SLC2A5: variants seen among roughly 807,000 people sequenced by gnomAD.
SLC2A5 encodes the protein solute carrier family 2 member 5, also known as solute carrier family 2, facilitated glucose transporter member 5.
Under a neutral mutation model 50.3 loss-of-function variants are expected in SLC2A5, and 56 were observed. The ratio of observed to expected loss-of-function variants is 1.11; its 90% CI spans 0.90 to 1.39. SLC2A5 has a LOEUF of 1.39. Ranked by LOEUF, SLC2A5 falls within the 40% of genes most tolerant of loss-of-function variation. The pLI, the probability that SLC2A5 is intolerant of heterozygous loss-of-function variation, is 0.00. For synonymous variants in SLC2A5, 269 were observed against 281.9 expected, an observed-to-expected ratio of 0.95 and a Z score of 0.46; for missense variants, 566 against 650.1, an observed-to-expected ratio of 0.87 and a Z score of 1.41.
chr1:9,093,271 A>T (rs1475644696), upstream of SLC2A5, among the ~76,000 whole-genome samples: 1 of 152,094 alleles, frequency 6.6e-6, no homozygotes, highest in Non-Finnish European at 1.5e-5. Flanking sequence ...CACAGCAGCA[A>T]AACTCCAGGG....
intron 3 of SLC2A5, among the ~76,000 whole-genome samples, chr1:9,049,490 A>G (rs1442581390): frequency 6.6e-6 from 1 of 151,680 alleles, no homozygotes; most frequent in Non-Finnish European, 1.5e-5. Flanking sequence ...TTGAGAGGCC[A>G]AGGCGGGCGG....
intron 4 of SLC2A5, among the ~76,000 whole-genome samples, chr1:9,042,531 G>C (rs1171826990): frequency 7.4e-6 from 1 of 134,798 alleles, no homozygotes; most frequent in Non-Finnish European, 1.7e-5. Context: ...ACATGGCCTG[G>C]TGTGTGTGTG....
chr1:9,057,539 T>C lies in SLC2A5; in HGVS notation c.202A>G (p.Thr68Ala). 1.9e-6 allele frequency: 3 copies of C among 1,613,706 alleles called. No individual in the cohort carries two copies. Among genetic ancestry groups the C allele is most frequent in the Non-Finnish European group, 2.5e-6 (3 of 1,179,740 alleles). ...GACACGGTTACAGACCACAGCAACG[T>C]CAAGGGGAAGTCTTCCATGAATTCA... ...TGEFMEDFPL[T>A]LLWSVTVSMF... Residue 68 changes from threonine (T) to alanine (A), a missense_variant, in exon 3 of 12, where the codon ACG becomes GCG. Thr to Ala is a moderately conservative substitution (Grantham distance 58, BLOSUM62 0). Transcript: ENST00000377424.
At chr1:9,074,265 G>T (rs1041410852), upstream of SLC2A5, among the ~76,000 whole-genome samples, 12 of 152,118 alleles carry the variant, frequency 7.9e-5, no homozygotes, top group African/African-American at 2.9e-4. Flanking sequence ...AATCAATTTA[G>T]AAGTCTATTT....
chr1:9,094,195 C>CGGG, the SLC2A5 span, among the ~76,000 whole-genome samples: 1 of 152,210 alleles, frequency 6.6e-6, no homozygotes, highest in Non-Finnish European at 1.5e-5. Flanking sequence ...CTGAAGCGAA[C>CGGG]GGAGCATTCC....
rs70985580 is a variant in SLC2A5 at position 9,075,032 on chromosome 1, C to CA, written c.-58-5439dup. Among the ~76,000 whole-genome samples, 950 of 142,108 alleles carry CA rather than the reference C, an allele frequency of 6.7e-3. 5 individuals are homozygous for CA. The highest frequency in any genetic ancestry group is 0.013 in the African/African-American group (499 of 38,396). The allele number at this position is 142,108 out of a possible 152,430, so 93.2% of individuals were successfully genotyped here. ...TGAGATCCCATCTCAAAAAACAAAA[C>CA]AAAAAAAAAAAGAAGTGCTTTCCAA... On this transcript the variant is annotated intron_variant, in intron 2 of 5. Coordinates refer to the SLC2A5 transcript ENST00000464985.
At chr1:9,073,361 A>T (rs919529817), upstream of SLC2A5, among the ~76,000 whole-genome samples, 3 of 152,242 alleles carry the variant, frequency 2.0e-5, no homozygotes, top group Non-Finnish European at 4.4e-5. Context: ...GTTCCGCTTA[A>T]TGCAGTGTAT....
intron 1 of SLC2A5, among the ~76,000 whole-genome samples, chr1:9,086,152 G>A (rs927206524): frequency 2.6e-5 from 4 of 152,182 alleles, no homozygotes; most frequent in African/African-American, 9.7e-5. Context: ...CAGGGATAAT[G>A]ACAGCTGGAC....
At position 9,057,567 on chromosome 1, in the gene SLC2A5, G is replaced by T. The variant is rs144426243; in HGVS notation, c.174C>A (p.Thr58=). Residue 58 remains threonine, a synonymous_variant, in exon 3 of 12, where the codon ACC becomes ACA. Coordinates refer to ENST00000377424, the MANE Select transcript of SLC2A5 (RefSeq NM_003039.3). The part of the protein sequence containing the change: ...QFYNETYYGR[T]GEFMEDFPLT... ...AGGGGAAGTCTTCCATGAATTCACC[G>T]GTCCTACCATAGTAAGTCTCATTGT... 1 of 1,613,392 alleles carries T rather than the reference G, an allele frequency of 6.2e-7. No individual in the cohort carries two copies. The highest frequency in any genetic ancestry group is 1.1e-5 in the South Asian group (1 of 91,054).
intron 4 of SLC2A5, among the ~76,000 whole-genome samples, chr1:9,043,361 C>T (rs34605482): frequency 0.16 from 24,072 of 152,116 alleles, 2,348 homozygotes; most frequent in Admixed American, 0.24. Context: ...CATCACAGTT[C>T]ATTAATATCG....
chr1:9,056,914 C>T (rs1641768468), intron 3 of SLC2A5, among the ~76,000 whole-genome samples: 1 of 152,184 alleles, frequency 6.6e-6, no homozygotes, highest in African/African-American at 2.4e-5. Context: ...GATCCCTGGC[C>T]ACCCCTGCTT....
chr1:9,084,152 A>T (rs114505693), intron 2 of SLC2A5, among the ~76,000 whole-genome samples: 9,073 of 152,230 alleles, frequency 0.06, 591 homozygotes, highest in African/African-American at 0.16. Flanking sequence ...AAAAAAAAAA[A>T]AATAATAATA....
At chr1:9,066,401 A>G (rs1318975394) in intron 1 of SLC2A5, among the ~76,000 whole-genome samples, 1 of 151,930 alleles carries the variant, frequency 6.6e-6, no homozygotes, top group Non-Finnish European at 1.5e-5. Flanking sequence ...TGCCCAGCTA[A>G]TTTTTGTACA....
At position 9,037,943 on chromosome 1, in the gene SLC2A5, T is replaced by G; in HGVS notation, c.1256A>C (p.His419Pro). 6 of 1,613,960 alleles carry G rather than the reference T, an allele frequency of 3.7e-6. No homozygotes were observed. Among genetic ancestry groups the G allele is most frequent in the Non-Finnish European group, 5.1e-6 (6 of 1,180,026 alleles). The change falls in exon 11 of 12, where the codon CAC (histidine) becomes CCC (proline). Residue 419 changes from histidine to proline, a missense_variant. Coordinates refer to ENST00000377424, the MANE Select transcript of SLC2A5 (RefSeq NM_003039.3). ...GCCCACGGTGAAGTTGGAGAGCCAG[T>G]GCACACTGCCCCCCACCATGAAGGC... ...PSAFMVGGSVHWLSNFTVGLI... is the reference protein window; with the variant it reads ...PSAFMVGGSVPWLSNFTVGLI...
chr1:9,089,272 A>T (rs989082061), upstream of SLC2A5, among the ~76,000 whole-genome samples: 2 of 152,098 alleles, frequency 1.3e-5, no homozygotes, highest in Admixed American at 1.3e-4. Flanking sequence ...ATTATGAAAA[A>T]CTTAGAGAAA....
intron 3 of SLC2A5, among the ~76,000 whole-genome samples, chr1:9,048,438 G>A (rs532364610): frequency 5.2e-4 from 79 of 152,156 alleles, no homozygotes; most frequent in African/African-American, 1.9e-3. Context: ...CTTGAACCCA[G>A]GAAGTGGAGG....
rs200136395 is a variant in SLC2A5, at chr1:9,039,790, C to T, written c.885+10G>A. ...CCTCCCCAGCTCCCGAGCCGCAGCC[C>T]GGCCCATACAGCGTTGACGCCCGAC... On this transcript the variant is annotated intron_variant, in intron 7 of 11. Coordinates refer to ENST00000377424, the MANE Select transcript of SLC2A5 (RefSeq NM_003039.3). The T allele has an allele frequency of 1.1e-4, 174 of 1,541,316 alleles. No individual in the cohort carries two copies. The African/African-American group carries it at 2.1e-3, about 19-fold the overall frequency.
chr1:9,047,524 C>G, intron 4 of SLC2A5, 86 bp downstream of exon 4: 1 of 1,421,980 alleles, frequency 7.0e-7, no homozygotes, highest in Non-Finnish European at 9.7e-7. Flanking sequence ...CTTCAGACAT[C>G]ACAGATTGGT....
At chr1:9,049,997 C>T (rs562255971) in intron 3 of SLC2A5, among the ~76,000 whole-genome samples, 1 of 151,896 alleles carries the variant, frequency 6.6e-6, no homozygotes, top group South Asian at 2.1e-4. Context: ...ATTGGCCAGG[C>T]GCAGTGGCTC....
Sources: allele counts gnomAD v4.1 joint callset (sites outside exome capture counted in the v4.1 genomes callset), GRCh38; gene constraint gnomAD v4.1.1; transcripts MANE v1.5; gene names NCBI Gene and HGNC (gene_info 2026-07-23, HGNC 2026-07-21).